The following PLXNA2 variants were observed in gnomAD, a reference collection of about 807,000 sequenced individuals.
PLXNA2 encodes the protein plexin-A2.
A neutral mutation model predicts 193.5 loss-of-function variants in PLXNA2; 91 were observed. The ratio of observed to expected loss-of-function variants is 0.47; its 90% confidence interval spans 0.40 to 0.56. The LOEUF (loss-of-function observed/expected upper bound fraction) is 0.56. Among genes scored for constraint, PLXNA2 ranks in the 20% least tolerant of loss-of-function variants. The pLI, the probability that PLXNA2 is intolerant of heterozygous loss-of-function variation, is 0.00. For missense variants in PLXNA2, 1,995 were observed against 2,503.2 expected (o/e 0.80, Z 4.33); for synonymous variants, 997 against 1,027.3 (o/e 0.97, Z 0.56).
At chr1:208,193,896 T>TA in intron 3 of PLXNA2, among the ~76,000 whole-genome samples, 1 of 152,174 alleles carries the variant, frequency 6.6e-6, no homozygotes, top group East Asian at 1.9e-4. Flanking sequence ...GACCTGTCTC[T>TA]AAAAAAACTT....
At chr1:208,031,200 C>T in intron 29 of PLXNA2, 1 of 1,043,068 alleles carries the variant, frequency 9.6e-7, no homozygotes, top group Non-Finnish European at 1.2e-6. Flanking sequence ...ACTCAGAATG[C>T]CCCACGATGT....
intron 3 of PLXNA2, among the ~76,000 whole-genome samples, chr1:208,180,221 A>T (rs1310996068): frequency 6.6e-6 from 1 of 150,668 alleles, no homozygotes; most frequent in Non-Finnish European, 1.5e-5. Flanking sequence ...AGGCTGGGAA[A>T]GGGGGTGGAG....
chr1:208,030,187 T>C (rs1664456266), intron 29 of PLXNA2: 1 of 985,468 alleles, frequency 1.0e-6, no homozygotes, highest in Admixed American at 6.1e-5. Flanking sequence ...GAGAGCTGAC[T>C]CATCTCTTCT....
chr1:208,034,425 C>T lies in PLXNA2; in HGVS notation c.4864+68G>A, dbSNP rs769535452. The T allele has an allele frequency of 2.3e-5, 22 of 977,144 alleles. 1 individual carries two copies. The highest frequency in any genetic ancestry group is 1.2e-4 in the East Asian group (5 of 41,668). 60.5% of individuals were successfully genotyped at this position (977,144 alleles called of 1,614,324 possible). ...GGCTGCCTGCTGTTAGAAGGGGTAG[C>T]GAGTGGGCCCTGCTAGGTCTCAGAA... On this transcript the variant is annotated intron_variant, in intron 27 of 31. Transcript: ENST00000367033.
chr1:208,062,325 T>C (rs952757457), intron 12 of PLXNA2, among the ~76,000 whole-genome samples: 2 of 152,130 alleles, frequency 1.3e-5, no homozygotes, highest in Non-Finnish European at 2.9e-5. Context: ...TCTCGGCAGG[T>C]GCACTGCTCC....
chr1:208,027,322 T>C lies in PLXNA2; in HGVS notation c.5606A>G (p.Glu1869Gly). The change falls in exon 32 of 32, where the codon GAG becomes GGG. Residue 1869 changes from glutamate to glycine, a missense_variant. Glu to Gly is a moderately conservative substitution (Grantham distance 98). Coordinates refer to ENST00000367033, the MANE Select transcript of PLXNA2 (RefSeq NM_025179.4). ...KYSEELIGALEQDEQARRQRL... is the reference protein window; with the variant it reads ...KYSEELIGALGQDEQARRQRL... ...CTGCCGCCGTGCCTGCTCATCCTGC[T>C]CTAGGGCCCCGATGAGCTGAGGAGC... The C allele has an allele frequency of 1.2e-6, 2 of 1,613,208 alleles. No homozygotes were observed. Among genetic ancestry groups the C allele is most frequent in the Non-Finnish European group, 1.7e-6 (2 of 1,179,982 alleles).
intron 3 of PLXNA2, among the ~76,000 whole-genome samples, chr1:208,173,644 A>G (rs549453500): frequency 2.6e-5 from 4 of 152,328 alleles, no homozygotes; most frequent in African/African-American, 9.6e-5. Context: ...CTGTCCAAGA[A>G]TAAGGGCCAA....
At chr1:208,156,092 GGAAAGCAGGGTGAAA>G (rs11273523) in intron 3 of PLXNA2, among the ~76,000 whole-genome samples, 46,496 of 151,978 alleles carry the variant, frequency 0.31, 7,670 homozygotes, top group Middle Eastern at 0.37. Context: ...TCCTAAGTGG[GGAAAGCAGGGTGAAA>G]GAAAGGAGGG....
chr1:208,158,491 C>T (rs1156273499), intron 3 of PLXNA2, among the ~76,000 whole-genome samples: 1 of 152,194 alleles, frequency 6.6e-6, no homozygotes, highest in Non-Finnish European at 1.5e-5. Context: ...GCAGAAGACA[C>T]CAGCCCCAGA....
intron 3 of PLXNA2, among the ~76,000 whole-genome samples, chr1:208,207,608 T>G (rs551837312): frequency 6.6e-6 from 1 of 152,314 alleles, no homozygotes; most frequent in South Asian, 2.1e-4. Flanking sequence ...CGGCTTCCCT[T>G]CCCTTTCCAA....
At chr1:208,241,486 C>T (rs1672049118) in intron 1 of PLXNA2, among the ~76,000 whole-genome samples, 2 of 152,202 alleles carry the variant, frequency 1.3e-5, no homozygotes, top group South Asian at 4.1e-4. Flanking sequence ...GCCCCCCTGT[C>T]CTGCTCCAGG....
intron 17 of PLXNA2, among the ~76,000 whole-genome samples, chr1:208,046,437 G>C (rs1325663435): frequency 1.3e-5 from 2 of 152,250 alleles, no homozygotes; most frequent in East Asian, 3.9e-4. Flanking sequence ...TTACAATCTA[G>C]TCCTGGAAGA....
At chr1:208,065,572 T>A (rs1447719829) in intron 12 of PLXNA2, among the ~76,000 whole-genome samples, 1 of 152,112 alleles carries the variant, frequency 6.6e-6, no homozygotes, top group Non-Finnish European at 1.5e-5. Flanking sequence ...GACTAAAACA[T>A]GGGATGTTAG....
chr1:208,236,288 C>T lies in PLXNA2; in HGVS notation c.-81+7355G>A, dbSNP rs536886549. 9.2e-5 allele frequency among the ~76,000 whole-genome samples: 14 copies of T among 152,270 alleles called. No individual in the cohort carries two copies. In the East Asian group the frequency reaches 1.7e-3, roughly 19 times the overall value. ...TCCTCAGGAGAAAAAAATGGGAAAC[C>T]GGGGAGCAGTCAGGGGAGGTGGGAG... On this transcript the variant is annotated intron_variant, in intron 1 of 31. Transcript: ENST00000367033. This position sits in a 1 kb window ranked among gnomAD's most constrained non-coding sequence, Gnocchi z 4.4.
chr1:208,098,456 T>TCA (rs1214971611), intron 6 of PLXNA2, among the ~76,000 whole-genome samples: 4,885 of 108,882 alleles, frequency 0.045, 91 homozygotes, highest in African/African-American at 0.077. Context: ...TCTCTCTCTC[T>TCA]CTCACACACA....
intron 3 of PLXNA2, among the ~76,000 whole-genome samples, chr1:208,200,353 G>A (rs900741763): frequency 6.6e-6 from 1 of 152,172 alleles, no homozygotes; most frequent in African/African-American, 2.4e-5. Context: ...ATGCTAGCAA[G>A]AAGGAAAGAG....
chr1:208,142,429 T>G lies in PLXNA2; in HGVS notation c.1406A>C (p.Gln469Pro). The stretch of plus-strand genomic sequence containing the variant: ...CTTGAGCACAGAGACCATCTCGTAC[T>G]GGACCCCACCATGGGGGGGACCGTC... ...RADGPPHGGV[Q>P]YEMVSVLKDG... The change falls in exon 4 of 32, where the codon CAG (glutamine) becomes CCG (proline). Residue 469 changes from glutamine (Q) to proline (P), a missense_variant. Around this residue, in one of 3 missense-constraint regions of PLXNA2, gnomAD observed 702 missense variants for 812.9 expected, o/e 0.86. Coordinates refer to ENST00000367033, the MANE Select transcript of PLXNA2 (RefSeq NM_025179.4). The G allele has an allele frequency of 6.2e-7, 1 of 1,612,916 alleles. No individual in the cohort carries two copies. The highest frequency in any genetic ancestry group is 8.5e-7 in the Non-Finnish European group (1 of 1,179,652).
At chr1:208,174,173 T>G (rs1037456292) in intron 3 of PLXNA2, among the ~76,000 whole-genome samples, 17 of 152,206 alleles carry the variant, frequency 1.1e-4, no homozygotes, top group Admixed American at 1.1e-3. Flanking sequence ...TGCCTGGTCA[T>G]GGAGGGGTCC....
rs116358151 is a variant in PLXNA2 at position 208,095,627 on chromosome 1, A to G, written c.1982+402T>C. On this transcript the variant is annotated intron_variant, in intron 8 of 31. Coordinates refer to ENST00000367033, the MANE Select transcript of PLXNA2 (RefSeq NM_025179.4). ...TGACTGTGTGCATAGCCGAGTCGCT[A>G]TCTCGGAGTCCCTCTTCATCTGGTT... 3.0e-3 allele frequency among the ~76,000 whole-genome samples: 456 copies of G among 151,878 alleles called. 2 individuals carry two copies. The highest frequency in any genetic ancestry group is 0.01 in the African/African-American group (423 of 41,418).
Sources: gnomAD v4.1 joint callset for allele counts (sites outside exome capture counted in the v4.1 genomes callset) on GRCh38, gnomAD v4.1.1 for gene constraint, gnomAD v4.1.1 regional missense constraint, Gnocchi (gnomAD v3.1) non-coding constraint, MANE v1.5 for transcripts, NCBI Gene and HGNC (gene_info 2026-07-23, HGNC 2026-07-21) for gene names.